Variants in NLGN1 observed in about 807,000 individuals in gnomAD.
NLGN1 encodes the protein neuroligin-1.
NLGN1 carries 12 observed loss-of-function variants against 65.5 expected under a neutral mutation model. The observed-to-expected ratio is 0.18, with a 90% CI of 0.12 to 0.30. NLGN1 has a LOEUF of 0.30. Among genes scored for constraint, NLGN1 ranks in the 10% least tolerant of loss-of-function variants. NLGN1 has a pLI of 1.00. For missense variants in NLGN1, 750 were observed against 1,007.1 expected (o/e 0.74, Z 3.46); for synonymous variants, 350 against 359.5 (o/e 0.97, Z 0.30).
intron 4 of NLGN1, among the ~76,000 whole-genome samples, chr3:174,027,082 AAAAG>A (rs1400066317): frequency 6.6e-6 from 1 of 151,950 alleles, no homozygotes; most frequent in Non-Finnish European, 1.5e-5. Context: ...AAAAAAAAGA[AAAAG>A]AAATATGAAA....
intron 2 of NLGN1, among the ~76,000 whole-genome samples, chr3:173,494,150 C>T (rs372465381): frequency 2.1e-4 from 21 of 100,112 alleles, no homozygotes; most frequent in Non-Finnish European, 4.5e-4. Flanking sequence ...TGTGTGTGTG[C>T]GCGTGCATGT....
At chr3:173,526,051 C>T (rs1457927682) in intron 2 of NLGN1, among the ~76,000 whole-genome samples, 1 of 152,032 alleles carries the variant, frequency 6.6e-6, no homozygotes, top group Non-Finnish European at 1.5e-5. Context: ...GTACCATGCA[C>T]AAATGAGCAA....
intron 3 of NLGN1, among the ~76,000 whole-genome samples, chr3:173,805,745 CAGTT>C (rs1256366765): frequency 8.5e-5 from 13 of 152,178 alleles, no homozygotes; most frequent in African/African-American, 1.4e-4. Context: ...TGTGAACAGT[CAGTT>C]AATGATTTCA....
At chr3:173,794,564 T>C (rs1350114071) in intron 3 of NLGN1, among the ~76,000 whole-genome samples, 2 of 152,142 alleles carry the variant, frequency 1.3e-5, no homozygotes, top group Non-Finnish European at 2.9e-5. Flanking sequence ...GGAGAGTGTG[T>C]CTTCACAAAG....
chr3:174,211,080 C>T (rs937438390), intron 4 of NLGN1, among the ~76,000 whole-genome samples: 2 of 152,250 alleles, frequency 1.3e-5, no homozygotes, highest in African/African-American at 2.4e-5. Flanking sequence ...GGTTCGTGGT[C>T]TCGCTCGCTC....
rs1393017426 is a variant in NLGN1, at chr3:173,803,971, A to G, written c.494-3709A>G. ...ATCAGTAAACATATTTAATGATTAT[A>G]TCACTAATAATTATTCACTAAGATC... On this transcript the variant is annotated intron_variant, in intron 3 of 6. Coordinates refer to ENST00000457714, the Ensembl canonical transcript of NLGN1. 2.0e-5 allele frequency among the ~76,000 whole-genome samples: 3 copies of G among 152,372 alleles called. No homozygotes were observed. The East Asian group carries it at 5.8e-4, about 29-fold the overall frequency.
chr3:174,273,816 C>G (rs890542422), intron 4 of NLGN1, among the ~76,000 whole-genome samples: 3 of 151,604 alleles, frequency 2.0e-5, no homozygotes, highest in African/African-American at 7.3e-5. Context: ...TTCATTTCTT[C>G]AAATTTTTCA....
At chr3:174,277,489 A>ATATT (rs1750802104) in intron 5 of NLGN1, among the ~76,000 whole-genome samples, 2 of 151,938 alleles carry the variant, frequency 1.3e-5, no homozygotes, top group South Asian at 4.1e-4. Context: ...ATGGGAAATA[A>ATATT]TATTATAGAA....
At chr3:173,624,512 C>T (rs1310962821) in intron 3 of NLGN1, among the ~76,000 whole-genome samples, 5 of 152,206 alleles carry the variant, frequency 3.3e-5, no homozygotes, top group Non-Finnish European at 5.9e-5. Context: ...CCACCTCCTA[C>T]AATGAATTAA....
intron 4 of NLGN1, among the ~76,000 whole-genome samples, chr3:173,927,304 C>T (rs1486237667): frequency 6.6e-6 from 1 of 152,176 alleles, no homozygotes; most frequent in African/African-American, 2.4e-5. Flanking sequence ...CCTCGTGATC[C>T]ATCCACCTTG....
At chr3:173,847,394 G>A (rs984623085) in intron 4 of NLGN1, among the ~76,000 whole-genome samples, 1 of 152,026 alleles carries the variant, frequency 6.6e-6, no homozygotes, top group African/African-American at 2.4e-5. Context: ...TTTACCAAAT[G>A]CAAATTAGAC....
At chr3:173,947,049 AGTT>A (rs1342470499) in intron 4 of NLGN1, among the ~76,000 whole-genome samples, 1 of 133,784 alleles carries the variant, frequency 7.5e-6, no homozygotes, top group Non-Finnish European at 1.5e-5. Flanking sequence ...ACTATCTAGC[AGTT>A]GTTAGGATTT....
At chr3:174,046,238 T>C (rs908624480) in intron 4 of NLGN1, among the ~76,000 whole-genome samples, 1 of 152,212 alleles carries the variant, frequency 6.6e-6, no homozygotes, top group Admixed American at 6.6e-5. Flanking sequence ...ATGACAATAG[T>C]ATTTCCTCAA....
chr3:173,484,854 G>C (rs772680972), intron 2 of NLGN1, among the ~76,000 whole-genome samples: 10 of 152,016 alleles, frequency 6.6e-5, no homozygotes, highest in Non-Finnish European at 1.3e-4. Flanking sequence ...TTGTTTCTTA[G>C]GGGTGTGGAC....
chr3:173,910,168 G>A (rs1355246974), intron 4 of NLGN1, among the ~76,000 whole-genome samples: 1 of 152,138 alleles, frequency 6.6e-6, no homozygotes, highest in African/African-American at 2.4e-5. Context: ...AGGATGCAGT[G>A]CTTCTCAATA....
chr3:173,745,437 CT>C (rs956277356), intron 3 of NLGN1, among the ~76,000 whole-genome samples: 2 of 151,854 alleles, frequency 1.3e-5, no homozygotes, highest in Non-Finnish European at 2.9e-5. Flanking sequence ...AATTAATTAG[CT>C]TATATTTTTT....
At chr3:174,080,801 G>A (rs755671614) in intron 4 of NLGN1, among the ~76,000 whole-genome samples, 2 of 150,156 alleles carry the variant, frequency 1.3e-5, no homozygotes, top group Non-Finnish European at 1.5e-5. Flanking sequence ...CTTTGCTTTT[G>A]TTTTTTTCTC....
intron 4 of NLGN1, among the ~76,000 whole-genome samples, chr3:174,240,081 G>A (rs1397117489): frequency 6.6e-6 from 1 of 152,016 alleles, no homozygotes; most frequent in African/African-American, 2.4e-5. Context: ...AAGACATGAG[G>A]CTGATATTTA....
intron 2 of NLGN1, among the ~76,000 whole-genome samples, chr3:173,464,581 G>A (rs1309909226): frequency 6.6e-6 from 1 of 151,912 alleles, no homozygotes; most frequent in Admixed American, 6.6e-5. Context: ...GATTACAGGT[G>A]TGCACCACCA....
Sources: allele counts gnomAD v4.1 joint callset (sites outside exome capture counted in the v4.1 genomes callset), GRCh38; gene constraint gnomAD v4.1.1; transcripts MANE v1.5; gene names NCBI Gene and HGNC (gene_info 2026-07-23, HGNC 2026-07-21).